ST7L: variants seen among roughly 807,000 people sequenced by gnomAD.
The protein encoded by ST7L is suppressor of tumorigenicity 7 protein-like.
ST7L carries 57 observed loss-of-function variants against 72.5 expected under a neutral mutation model. The ratio of observed to expected loss-of-function variants is 0.79; its 90% CI spans 0.64 to 0.98. ST7L has a LOEUF of 0.98. Ranked by LOEUF, ST7L falls within the 50% of genes least tolerant of loss-of-function variation. The pLI is 0.00. For synonymous variants in ST7L, 221 were observed against 240.9 expected (o/e 0.92, Z 0.77); for missense variants, 576 against 672.2 (o/e 0.86, Z 1.58).
rs1229646669 is a variant in ST7L, at chr1:112,524,757, C to T, written c.*1256G>A. ...GCCTGAGCACAACCATGAGGTTACA[C>T]ACACACACACAGAGGTGTACATATA... is the stretch of plus-strand genomic sequence containing the variant. On this transcript the variant is annotated 3_prime_UTR_variant, in exon 15 of 15. Coordinates refer to ENST00000358039, the MANE Select transcript of ST7L (RefSeq NM_017744.5). 1.3e-5 allele frequency: 2 copies of T among 152,120 alleles called. No individual in the cohort carries two copies. The highest frequency in any genetic ancestry group is 2.9e-5 in the Non-Finnish European group (2 of 68,052). 9.4% of individuals were successfully genotyped at this position (152,120 alleles called of 1,614,324 possible). A position where few individuals can be genotyped will look rare whatever the true frequency, so the allele number is the denominator to read the frequency against.
intron 3 of ST7L, among the ~76,000 whole-genome samples, chr1:112,602,173 T>C (rs1667525979): frequency 1.3e-5 from 2 of 151,744 alleles, no homozygotes; most frequent in South Asian, 4.2e-4. Context: ...AGAGTTTAGA[T>C]ATTATCCTTG....
Position 112,600,392 on chromosome 1 carries a change from G to A in ST7L, c.506+402C>T, listed in dbSNP as rs193298537. Among the ~76,000 whole-genome samples, 66 of 152,004 alleles carry A rather than the reference G, an allele frequency of 4.3e-4. 1 individual carries two copies. The highest frequency in any genetic ancestry group is 3.9e-4 in the East Asian group (2 of 5,172). ...ATGTGGTCTCTGCCTATGGAGTAGC[G>A]ATTCTTTTATTCCTTTCCTTTCTTA... On this transcript the variant is annotated intron_variant, in intron 4 of 14. Transcript: ENST00000358039.
intron 6 of ST7L, among the ~76,000 whole-genome samples, chr1:112,587,254 C>T (rs1217200813): frequency 1.3e-5 from 2 of 152,162 alleles, no homozygotes; most frequent in Non-Finnish European, 2.9e-5. Flanking sequence ...AGTTCTTCCA[C>T]CATCATTGTT....
At chr1:112,596,109 T>C (rs1571226984) in intron 5 of ST7L, among the ~76,000 whole-genome samples, 1 of 152,244 alleles carries the variant, frequency 6.6e-6, no homozygotes, top group South Asian at 2.1e-4. Context: ...GATACTGTGC[T>C]GCTGTTATTT....
At chr1:112,573,194 C>T (rs1173143756) in intron 11 of ST7L, among the ~76,000 whole-genome samples, 1 of 151,594 alleles carries the variant, frequency 6.6e-6, no homozygotes, top group Non-Finnish European at 1.5e-5. Context: ...ACCGAAAATA[C>T]AAAATTAGCT....
chr1:112,521,512 ATTCT>A (rs1002486712), downstream of ST7L: 7 of 152,322 alleles, frequency 4.6e-5, no homozygotes, highest in African/African-American at 1.4e-4. Flanking sequence ...GGCTTTGGTA[ATTCT>A]TTATGAGAGG....
In ST7L at chr1:112,574,476, T is replaced by G. The variant is rs370350367; in HGVS notation, c.1245+2510A>C. On this transcript the variant is annotated intron_variant, in intron 11 of 14. Coordinates refer to ENST00000358039, the MANE Select transcript of ST7L (RefSeq NM_017744.5). ...AGATCGAGACCATCCTGGCTAACAC[T>G]GTGAAACCTCGTCTCTACTAAAAAT... Among the ~76,000 whole-genome samples, 180 of 150,470 alleles carry G rather than the reference T, an allele frequency of 1.2e-3. No homozygotes were observed. The East Asian group carries it at 0.016, about 13-fold the overall frequency.
At chr1:112,570,942 G>A (rs952603587) in intron 11 of ST7L, among the ~76,000 whole-genome samples, 3 of 152,200 alleles carry the variant, frequency 2.0e-5, no homozygotes, top group African/African-American at 7.2e-5. Context: ...GGCCGAGGCA[G>A]GTGGGCCACT....
intron 14 of ST7L, chr1:112,540,956 A>G: frequency 1.2e-6 from 1 of 842,500 alleles, no homozygotes; most frequent in Non-Finnish European, 1.7e-6. Context: ...TGCTAATTTT[A>G]CTTTGAGCCA....
At chr1:112,615,146 C>T (rs937742649) in intron 2 of ST7L, among the ~76,000 whole-genome samples, 4 of 151,944 alleles carry the variant, frequency 2.6e-5, no homozygotes, top group Admixed American at 6.6e-5. Flanking sequence ...ACTATAGGTG[C>T]GCCACACACG....
chr1:112,571,539 G>A (rs751977304), intron 11 of ST7L, among the ~76,000 whole-genome samples: 45 of 152,222 alleles, frequency 3.0e-4, no homozygotes, highest in Non-Finnish European at 5.0e-4. Flanking sequence ...TGATTCTCCT[G>A]CCTCAGCCTC....
chr1:112,540,364 C>T (rs1655909363), intron 14 of ST7L: 2 of 985,402 alleles, frequency 2.0e-6, no homozygotes, highest in Non-Finnish European at 2.4e-6. Flanking sequence ...TGCCAGATTA[C>T]ATAGTAAGGT....
At chr1:112,535,712 G>A (rs1655093813) in intron 14 of ST7L, among the ~76,000 whole-genome samples, 1 of 150,202 alleles carries the variant, frequency 6.7e-6, no homozygotes, top group South Asian at 2.1e-4. Flanking sequence ...GAGAGAGTGA[G>A]ACTCTGTCTC....
Position 112,581,938 on chromosome 1 carries a change from A to C in ST7L, c.1069+54T>G, listed in dbSNP as rs549487778. On this transcript the variant is annotated intron_variant, in intron 9 of 14. Transcript: ENST00000358039. ...ATACTAGAATATAACCACATTTATAATTACATAATTGGAAAAGAATAACCA... is the reference window on the plus strand; with the variant it reads ...ATACTAGAATATAACCACATTTATACTTACATAATTGGAAAAGAATAACCA... 8 of 1,190,754 alleles carry C rather than the reference A, an allele frequency of 6.7e-6. No homozygotes were observed. The East Asian group carries it at 1.6e-4, about 25-fold the overall frequency. 73.8% of individuals were successfully genotyped at this position (1,190,754 alleles called of 1,614,324 possible).
chr1:112,568,861 A>AATATAAATATATAT (rs61349207), intron 11 of ST7L, among the ~76,000 whole-genome samples: 153 of 114,810 alleles, frequency 1.3e-3, no homozygotes, highest in African/African-American at 4.6e-3. Flanking sequence ...TATAAATATA[A>AATATAAATATATAT]ATATATATAT....
At chr1:112,582,861 A>G (rs542207804) in intron 7 of ST7L, among the ~76,000 whole-genome samples, 85 of 152,014 alleles carry the variant, frequency 5.6e-4, no homozygotes, top group African/African-American at 2.0e-3. Context: ...TAAATGATCT[A>G]CTATTCTGAT....
At chr1:112,597,464 C>T (rs1571233138) in intron 5 of ST7L, among the ~76,000 whole-genome samples, 2 of 152,292 alleles carry the variant, frequency 1.3e-5, no homozygotes, top group South Asian at 2.1e-4. Context: ...TCAGCCCTGT[C>T]TTTAAACCAT....
At chr1:112,543,463 G>A (rs796082976) in intron 13 of ST7L, among the ~76,000 whole-genome samples, 21 of 152,276 alleles carry the variant, frequency 1.4e-4, no homozygotes, top group African/African-American at 4.8e-4. Context: ...CAGGAAAATC[G>A]CTTGAACCCG....
At chr1:112,539,681 A>G in intron 14 of ST7L, 1 of 927,140 alleles carries the variant, frequency 1.1e-6, no homozygotes, top group Non-Finnish European at 1.3e-6. Context: ...AAAGAAAAAG[A>G]AAAAGAAAAG....
Sources: gnomAD v4.1 joint callset for allele counts (sites outside exome capture counted in the v4.1 genomes callset) on GRCh38, gnomAD v4.1.1 for gene constraint, MANE v1.5 for transcripts, NCBI Gene and HGNC (gene_info 2026-07-23, HGNC 2026-07-21) for gene names.